Variants in DLGAP4 observed in about 807,000 individuals in gnomAD.
The protein encoded by DLGAP4 is DLG associated protein 4.
A neutral mutation model predicts 86.9 loss-of-function variants in DLGAP4; 18 were observed. That is an observed-to-expected ratio of 0.21 (90% confidence interval 0.14 to 0.31). The LOEUF is 0.31. Among genes scored for constraint, DLGAP4 ranks in the 10% least tolerant of loss-of-function variants. The pLI, the probability that DLGAP4 is intolerant of heterozygous loss-of-function variation, is 1.00. For synonymous variants in DLGAP4, 548 were observed against 574.3 expected (o/e 0.95, Z 0.65); for missense variants, 1,085 against 1,362.6 (o/e 0.80, Z 3.21).
intron 1 of DLGAP4, among the ~76,000 whole-genome samples, chr20:36,339,427 G>A (rs1555892313): frequency 6.6e-6 from 1 of 152,114 alleles, no homozygotes; most frequent in African/African-American, 2.4e-5. Context: ...TCTGTCTGTA[G>A]CCCAGGCTGG....
chr20:36,357,669 A>G (rs2030374347), intron 1 of DLGAP4, among the ~76,000 whole-genome samples: 1 of 152,252 alleles, frequency 6.6e-6, no homozygotes, highest in Non-Finnish European at 1.5e-5. Flanking sequence ...AGATGAACAA[A>G]ATGAACCAAC....
intron 2 of DLGAP4, among the ~76,000 whole-genome samples, chr20:36,411,917 G>A (rs1293494368): frequency 6.6e-6 from 1 of 152,198 alleles, no homozygotes; most frequent in Non-Finnish European, 1.5e-5. Context: ...AGATCTGGCT[G>A]AAATACCGTC....
intron 1 of DLGAP4, among the ~76,000 whole-genome samples, chr20:36,353,345 G>T (rs563620010): frequency 9.9e-4 from 151 of 152,236 alleles, no homozygotes; most frequent in African/African-American, 3.6e-3. Flanking sequence ...GGAGTCACAC[G>T]GTGACCTCAG....
chr20:36,471,038 G>C (rs1444795573), intron 7 of DLGAP4, among the ~76,000 whole-genome samples: 3 of 152,116 alleles, frequency 2.0e-5, no homozygotes, highest in African/African-American at 7.2e-5. Context: ...TTAAAATTTT[G>C]TCATGTATTT....
chr20:36,466,946 GTCTCTCTCTC>G (rs1187637533), intron 7 of DLGAP4, among the ~76,000 whole-genome samples: 11 of 95,028 alleles, frequency 1.2e-4, no homozygotes, highest in Admixed American at 4.5e-4. Context: ...CTCTCTCTCT[GTCTCTCTCTC>G]TCTCTCTCTG....
intron 11 of DLGAP4, among the ~76,000 whole-genome samples, chr20:36,524,622 G>A (rs553755375): frequency 2.0e-5 from 3 of 152,258 alleles, no homozygotes; most frequent in East Asian, 3.9e-4. Flanking sequence ...ATTCTGTATC[G>A]GCCGGGCACA....
chr20:36,311,280 G>A (rs1481042021), intron 1 of DLGAP4, among the ~76,000 whole-genome samples: 4 of 152,088 alleles, frequency 2.6e-5, no homozygotes, highest in African/African-American at 9.7e-5. Context: ...CTGGGTCCTT[G>A]CAGGGAGGGC....
intron 1 of DLGAP4, among the ~76,000 whole-genome samples, chr20:36,326,559 T>G (rs1302676375): frequency 2.6e-5 from 4 of 152,224 alleles, no homozygotes; most frequent in African/African-American, 9.6e-5. Flanking sequence ...AGCACAACAC[T>G]ACATTGTTAT....
rs1049176154 is a variant in DLGAP4 at position 36,500,480 on chromosome 20, C to T, written c.2381C>T (p.Pro794Leu). 42 of 1,591,856 alleles carry T rather than the reference C, an allele frequency of 2.6e-5. No homozygotes were observed. The highest frequency in any genetic ancestry group is 3.5e-5 in the Non-Finnish European group (41 of 1,168,392). The change falls in exon 10 of 13, where the codon CCG becomes CTG. Residue 794 changes from proline to leucine, a missense_variant. This residue lies in a region of DLGAP4 where 1,082 missense variants were observed against 1,344.1 expected (regional missense o/e 0.81). Coordinates refer to ENST00000339266, the MANE Select transcript of DLGAP4 (RefSeq NM_001365621.2). The surrounding 1 kb of genome is among the most constrained non-coding windows in gnomAD (Gnocchi z 4.6). ...ACCTCCTCCAGCTCCCCAGCAGAGC[C>T]GGCACAGCCAGGGGCCTGCCGCCGA... is the stretch of plus-strand genomic sequence containing the variant. ...LETSSSSPAE[P>L]AQPGACRRDG...
chr20:36,334,598 C>T lies in DLGAP4; in HGVS notation c.-304+28086C>T, dbSNP rs1201495751. ...CAGGGGAGATGAAGGTGGCCTGAATCGGGACAGGGGCTGGGGAGGTCAAGG... is the reference window on the plus strand; with the variant it reads ...CAGGGGAGATGAAGGTGGCCTGAATTGGGACAGGGGCTGGGGAGGTCAAGG... On this transcript the variant is annotated intron_variant, in intron 1 of 12. Transcript: ENST00000339266. 4.6e-5 allele frequency among the ~76,000 whole-genome samples: 7 copies of T among 152,060 alleles called. No homozygotes were observed. In the East Asian group the frequency reaches 9.6e-4, roughly 21 times the overall value.
chr20:36,435,787 A>G (rs1289488778), intron 3 of DLGAP4, among the ~76,000 whole-genome samples: 1 of 152,166 alleles, frequency 6.6e-6, no homozygotes, highest in African/African-American at 2.4e-5. Flanking sequence ...ATCCCCTGAG[A>G]GTCCACGTGA....
chr20:36,317,737 T>C, intron 1 of DLGAP4, among the ~76,000 whole-genome samples: 1 of 150,942 alleles, frequency 6.6e-6, no homozygotes, highest in East Asian at 2.0e-4. Flanking sequence ...TTTGTGGGCG[T>C]GAGCCACCGA....
intron 10 of DLGAP4, among the ~76,000 whole-genome samples, chr20:36,504,414 C>G (rs558869388): frequency 1.3e-5 from 2 of 152,262 alleles, no homozygotes; most frequent in South Asian, 4.1e-4. Flanking sequence ...TTTTGTTCAT[C>G]TGTTGCTGGG....
intron 2 of DLGAP4, among the ~76,000 whole-genome samples, chr20:36,417,384 TG>T (rs1300806625): frequency 6.6e-6 from 1 of 151,932 alleles, no homozygotes; most frequent in African/African-American, 2.4e-5. Flanking sequence ...TTTTTGTTTT[TG>T]TTTTTGTTTT....
chr20:36,501,923 G>A (rs934588965), intron 10 of DLGAP4, among the ~76,000 whole-genome samples: 1 of 152,296 alleles, frequency 6.6e-6, no homozygotes, highest in East Asian at 1.9e-4. Context: ...AAGGATCAGA[G>A]AGCATTAAAA....
intron 4 of DLGAP4, 152 bp downstream of exon 4, chr20:36,436,502 T>C: frequency 3.0e-6 from 4 of 1,328,136 alleles, no homozygotes; most frequent in Non-Finnish European, 4.0e-6. Context: ...TGAGTCCTGC[T>C]TCTTGAGAGA....
chr20:36,425,206 A>G (rs1033458417), intron 2 of DLGAP4, among the ~76,000 whole-genome samples: 1 of 152,220 alleles, frequency 6.6e-6, no homozygotes, highest in Non-Finnish European at 1.5e-5. Flanking sequence ...TAGAATATAT[A>G]CAAAGAATTC....
chr20:36,461,515 GTGCCCGCCGC>G (rs935168373), intron 7 of DLGAP4: 13 of 983,618 alleles, frequency 1.3e-5, no homozygotes, highest in Admixed American at 6.3e-5. Flanking sequence ...AGGAGGGTGA[GTGCCCGCCGC>G]TGGCCGCCGC....
rs562355364 is a variant in DLGAP4 at position 36,375,374 on chromosome 20, C to T, written c.-73+8099C>T. On this transcript the variant is annotated intron_variant, in intron 2 of 12. Transcript: ENST00000339266. ...TGATATAGCAAAGTTATGACTTGCA[C>T]GAGCTGTGTTTTATGGGTCATCTCC... Among the ~76,000 whole-genome samples, 7 of 152,326 alleles carry T rather than the reference C, an allele frequency of 4.6e-5. No homozygotes were observed. The East Asian group carries it at 5.8e-4, about 13-fold the overall frequency.
Sources: gnomAD v4.1 joint callset for allele counts (sites outside exome capture counted in the v4.1 genomes callset) on GRCh38, gnomAD v4.1.1 for gene constraint, gnomAD v4.1.1 regional missense constraint, Gnocchi (gnomAD v3.1) non-coding constraint, MANE v1.5 for transcripts, NCBI Gene and HGNC (gene_info 2026-07-23, HGNC 2026-07-21) for gene names.